LGR6: variants seen among roughly 807,000 people sequenced by gnomAD.
The protein encoded by LGR6 is leucine-rich repeat-containing G protein-coupled receptor 6.
LGR6 carries 45 observed loss-of-function variants against 69.4 expected under a neutral mutation model. That is an observed-to-expected ratio of 0.65 (90% CI 0.51 to 0.83). The LOEUF (loss-of-function observed/expected upper bound fraction) is 0.83, where lower values mean the gene tolerates loss of function less well. Among genes scored for constraint, LGR6 ranks in the 40% least tolerant of loss-of-function variants. LGR6 has a pLI of 0.00. For missense variants in LGR6, 1,108 were observed against 1,246.7 expected (o/e 0.89, Z 1.68); for synonymous variants, 538 against 555.0 (o/e 0.97, Z 0.43).
chr1:202,315,749 G>A (rs780710186), intron 17 of LGR6, among the ~76,000 whole-genome samples: 2 of 152,176 alleles, frequency 1.3e-5, no homozygotes, highest in Non-Finnish European at 2.9e-5. Context: ...GCCTTGCCCA[G>A]CCCGAGTTTT....
intron 1 of LGR6, chr1:202,214,106 T>A: frequency 7.2e-7 from 1 of 1,384,946 alleles, no homozygotes; most frequent in Non-Finnish European, 9.3e-7. Flanking sequence ...GCGCGGAGGG[T>A]GGCGGGCACT....
intron 4 of LGR6, among the ~76,000 whole-genome samples, chr1:202,238,443 C>CA (rs1661809610): frequency 1.3e-5 from 1 of 74,516 alleles, no homozygotes; most frequent in South Asian, 4.6e-4. Flanking sequence ...TTTTTTAAGA[C>CA]AGAGTTTTTT....
chr1:202,200,609 C>T (rs899279091), intron 1 of LGR6, among the ~76,000 whole-genome samples: 1 of 152,176 alleles, frequency 6.6e-6, no homozygotes, highest in Non-Finnish European at 1.5e-5. Flanking sequence ...CTTCTTTTAG[C>T]CAAACCGAAA....
intron 6 of LGR6, among the ~76,000 whole-genome samples, chr1:202,290,156 C>T (rs79947179): frequency 0.017 from 2,556 of 152,336 alleles, 78 homozygotes; most frequent in African/African-American, 0.058. Context: ...GTGCTAGTCT[C>T]TGGACCAGGT....
At position 202,319,260 on chromosome 1, in the gene LGR6, C is replaced by T. The variant is rs956771741; in HGVS notation, c.*53C>T. 1.7e-5 allele frequency: 26 copies of T among 1,486,418 alleles called. No homozygotes were observed. The highest frequency in any genetic ancestry group is 1.2e-4 in the Admixed American group (5 of 41,056). 92.1% of individuals were successfully genotyped at this position (1,486,418 alleles called of 1,614,324 possible). A position where few individuals can be genotyped will look rare whatever the true frequency, so the allele number is the denominator to read the frequency against. On this transcript the variant is annotated 3_prime_UTR_variant, in exon 18 of 18. Coordinates refer to ENST00000367278, the MANE Select transcript of LGR6 (RefSeq NM_001017403.2). Reference sequence around the variant, plus strand: ...TCTCTTCCCTTTCCTCTCTCCCCCTCGGTGAATGATGGCTGCTTCTAAAAC... The same window carrying T: ...TCTCTTCCCTTTCCTCTCTCCCCCTTGGTGAATGATGGCTGCTTCTAAAAC...
chr1:202,298,219 C>T lies in LGR6; in HGVS notation c.785+643C>T, dbSNP rs371934175. Among the ~76,000 whole-genome samples the T allele has an allele frequency of 9.2e-5, 14 of 152,272 alleles. No individual in the cohort carries two copies. The East Asian group carries it at 2.3e-3, about 25-fold the overall frequency. ...ACTTGCAGAGTATTAGCTAAAACAG[C>T]GGTGGGAGTCCAGAGTAATGTGGAA... On this transcript the variant is annotated intron_variant, in intron 7 of 17. Coordinates refer to ENST00000367278, the MANE Select transcript of LGR6 (RefSeq NM_001017403.2).
intron 2 of LGR6, among the ~76,000 whole-genome samples, chr1:202,226,548 G>A (rs1004454431): frequency 6.6e-6 from 1 of 152,080 alleles, no homozygotes; most frequent in African/African-American, 2.4e-5. Context: ...ACCTGCCCCT[G>A]TTGGAGTTTT....
intron 15 of LGR6, 152 bp from the exon 16 acceptor site, chr1:202,310,045 A>G: frequency 2.7e-6 from 2 of 731,558 alleles, no homozygotes; most frequent in Non-Finnish European, 4.6e-6. Context: ...AAGAATGCCT[A>G]GGAGACTGCC....
At chr1:202,293,130 T>A (rs1388355341) in intron 6 of LGR6, among the ~76,000 whole-genome samples, 1 of 152,214 alleles carries the variant, frequency 6.6e-6, no homozygotes, top group Non-Finnish European at 1.5e-5. Flanking sequence ...TCAACCAATG[T>A]TATCATATGG....
intron 1 of LGR6, among the ~76,000 whole-genome samples, chr1:202,201,255 CAT>C (rs1034687885): frequency 2.6e-5 from 4 of 152,198 alleles, no homozygotes; most frequent in Non-Finnish European, 4.4e-5. Flanking sequence ...GACACTAGCT[CAT>C]CAGGAACGTT....
At chr1:202,304,110 G>C (rs955493366) in intron 10 of LGR6, among the ~76,000 whole-genome samples, 2 of 152,102 alleles carry the variant, frequency 1.3e-5, no homozygotes, top group African/African-American at 4.8e-5. Flanking sequence ...CTCCTCCGAG[G>C]CACAGGGACC....
intron 6 of LGR6, among the ~76,000 whole-genome samples, chr1:202,281,447 A>C (rs879671966): frequency 1.3e-5 from 2 of 152,188 alleles, no homozygotes; most frequent in Non-Finnish European, 2.9e-5. Flanking sequence ...CCTGGAATTC[A>C]GTTAAGGTCA....
chr1:202,284,005 G>A (rs1026142837), intron 6 of LGR6, among the ~76,000 whole-genome samples: 1 of 152,174 alleles, frequency 6.6e-6, no homozygotes, highest in African/African-American at 2.4e-5. Flanking sequence ...AAGTGTGAGA[G>A]ACATACACCA....
Position 202,268,116 on chromosome 1 carries a change from C to G in LGR6, c.429-8190C>G, listed in dbSNP as rs1323401731. Among the ~76,000 whole-genome samples the G allele has an allele frequency of 6.6e-6, 1 of 152,224 alleles. No homozygotes were observed. The highest frequency in any genetic ancestry group is 1.5e-5 in the Non-Finnish European group (1 of 68,030). On this transcript the variant is annotated intron_variant, in intron 4 of 17. Coordinates refer to ENST00000367278, the MANE Select transcript of LGR6 (RefSeq NM_001017403.2). The surrounding 1 kb of genome is among the most constrained non-coding windows in gnomAD (Gnocchi z 4.4). ...CCTGAGTTGGTGGAGTCTGTGGGTACAGATTCTGTGTGTTCCCCAGTCGAG... is the reference window on the plus strand; with the variant it reads ...CCTGAGTTGGTGGAGTCTGTGGGTAGAGATTCTGTGTGTTCCCCAGTCGAG...
chr1:202,214,162 TG>T, intron 1 of LGR6: 1 of 1,518,028 alleles, frequency 6.6e-7, no homozygotes, highest in Non-Finnish European at 8.8e-7. Flanking sequence ...GGAATGCGCT[TG>T]GAGGGAGAGG....
chr1:202,248,125 TCCTTC>T (rs1468631291), intron 4 of LGR6, among the ~76,000 whole-genome samples: 1 of 152,218 alleles, frequency 6.6e-6, no homozygotes, highest in Admixed American at 6.5e-5. Flanking sequence ...CACACCAGGC[TCCTTC>T]CCTGGCCACC....
At chr1:202,218,154 C>G (rs1028813224) in intron 1 of LGR6, among the ~76,000 whole-genome samples, 1 of 152,208 alleles carries the variant, frequency 6.6e-6, no homozygotes, top group Non-Finnish European at 1.5e-5. Flanking sequence ...TTGTAACACC[C>G]ACTCTGCCAT....
Position 202,318,370 on chromosome 1 carries a change from G to C in LGR6, c.2067G>C (p.Gly689=). Residue 689 remains glycine (G), a synonymous_variant, in exon 18 of 18, where the codon GGG becomes GGC. Coordinates refer to ENST00000367278, the MANE Select transcript of LGR6 (RefSeq NM_001017403.2). ...CCTCCCTGGGCAGCGTTCGAGCAGG[G>C]GTCCTAGGCTGCCTGGCACTGGCAG... ...KSPSLGSVRA[G]VLGCLALAGL... is the part of the protein sequence containing the mutation. 6.2e-7 allele frequency: 1 copy of C among 1,602,818 alleles called. No homozygotes were observed.
intron 1 of LGR6, among the ~76,000 whole-genome samples, chr1:202,221,575 A>G (rs926833102): frequency 6.6e-6 from 1 of 152,096 alleles, no homozygotes; most frequent in African/African-American, 2.4e-5. Context: ...GGGTATCCCA[A>G]GGGCTCCCAG....
Sources: allele counts gnomAD v4.1 joint callset (sites outside exome capture counted in the v4.1 genomes callset), GRCh38; gene constraint gnomAD v4.1.1; non-coding constraint Gnocchi (gnomAD v3.1); transcripts MANE v1.5; gene names NCBI Gene and HGNC (gene_info 2026-07-23, HGNC 2026-07-21).